Variants in POLDIP3 observed in about 807,000 individuals in gnomAD.
POLDIP3 encodes DNA polymerase delta interacting protein 3.
In POLDIP3, 14 loss-of-function variants were observed where a neutral mutation model predicts 45.1. That is an observed-to-expected ratio of 0.31 (90% CI 0.20 to 0.49). The LOEUF (loss-of-function observed/expected upper bound fraction) is 0.49. Ranked by LOEUF, POLDIP3 falls within the 20% of genes least tolerant of loss-of-function variation. The pLI, the probability that POLDIP3 is intolerant of heterozygous loss-of-function variation, is 0.99. For missense variants in POLDIP3, 511 were observed against 538.8 expected (o/e 0.95, Z 0.51); for synonymous variants, 223 against 205.2 (o/e 1.09, Z -0.74).
intron 3 of POLDIP3, among the ~76,000 whole-genome samples, chr22:42,600,612 C>T (rs946549872): frequency 2.7e-5 from 4 of 147,272 alleles, no homozygotes; most frequent in East Asian, 2.0e-4. Context: ...AGTGACAGAG[C>T]GAGACTCGGT....
chr22:42,610,059 A>G (rs1225011390), intron 1 of POLDIP3, among the ~76,000 whole-genome samples: 2 of 152,146 alleles, frequency 1.3e-5, no homozygotes, highest in African/African-American at 4.8e-5. Flanking sequence ...CTGTAGTCCC[A>G]GCTACTCAGG....
In POLDIP3 at chr22:42,599,691, G is replaced by C. The variant is rs777042806; in HGVS notation, c.633+7C>G. ...CACGCAGTGTAAGAAAACATGAAATGCCATACCATGTGGTGGAGAAAGCCG... is the reference window on the plus strand; with the variant it reads ...CACGCAGTGTAAGAAAACATGAAATCCCATACCATGTGGTGGAGAAAGCCG... On this transcript the variant is annotated splice_region_variant and intron_variant, in intron 4 of 8. Coordinates refer to ENST00000252115, the MANE Select transcript of POLDIP3 (RefSeq NM_032311.5). The C allele has an allele frequency of 8.8e-6, 14 of 1,583,022 alleles. No homozygotes were observed. Among genetic ancestry groups the C allele is most frequent in the Non-Finnish European group, 1.1e-5 (13 of 1,152,174 alleles).
At chr22:42,607,546 G>T (rs1926819204) in intron 1 of POLDIP3, among the ~76,000 whole-genome samples, 1 of 152,192 alleles carries the variant, frequency 6.6e-6, no homozygotes, top group African/African-American at 2.4e-5. Context: ...TGGGAAGTGA[G>T]GAGCGTCTCT....
At chr22:42,602,117 G>A (rs1926428597) in intron 2 of POLDIP3, 61 bp from the exon 3 acceptor site, 5 of 1,610,648 alleles carry the variant, frequency 3.1e-6, no homozygotes, top group East Asian at 2.2e-5. Context: ...TCTAGAAGAA[G>A]GGGGTTACTG....
At chr22:42,599,393 C>G (rs750378377) in intron 4 of POLDIP3, among the ~76,000 whole-genome samples, 2 of 152,246 alleles carry the variant, frequency 1.3e-5, no homozygotes, top group African/African-American at 2.4e-5. Flanking sequence ...CACCTGAGGT[C>G]AGGAGTTTGA....
chr22:42,612,316 T>C (rs1330240010), intron 1 of POLDIP3, among the ~76,000 whole-genome samples: 1 of 152,148 alleles, frequency 6.6e-6, no homozygotes, highest in African/African-American at 2.4e-5. Context: ...ATTACTCAGG[T>C]TTTATACATA....
chr22:42,591,345 G>A (rs1452338210), intron 7 of POLDIP3, among the ~76,000 whole-genome samples: 5 of 152,066 alleles, frequency 3.3e-5, no homozygotes, highest in Admixed American at 3.3e-4. Flanking sequence ...TTTAGCCAAG[G>A]CTCCAGGTCT....
chr22:42,588,774 ATG>A (rs1379543508), intron 7 of POLDIP3, among the ~76,000 whole-genome samples: 1 of 151,998 alleles, frequency 6.6e-6, no homozygotes, highest in Non-Finnish European at 1.5e-5. Context: ...GATTACAGGC[ATG>A]TACCACCACA....
intron 1 of POLDIP3, among the ~76,000 whole-genome samples, chr22:42,612,447 G>T (rs1300865681): frequency 6.6e-6 from 1 of 152,200 alleles, no homozygotes; most frequent in South Asian, 2.1e-4. Flanking sequence ...TATGCTCCAG[G>T]GGCGTTGTGT....
At chr22:42,599,550 G>C in intron 4 of POLDIP3, 148 bp downstream of exon 4, 1 of 664,442 alleles carries the variant, frequency 1.5e-6, no homozygotes, top group South Asian at 1.7e-5. Context: ...GTTGCAGTGA[G>C]CCAAGATTGC....
chr22:42,614,025 C>T (rs1927296396), intron 1 of POLDIP3, among the ~76,000 whole-genome samples: 12 of 152,134 alleles, frequency 7.9e-5, no homozygotes, highest in Admixed American at 7.9e-4. Flanking sequence ...CCAGCTCAAG[C>T]ACTTTCTTCT....
Position 42,596,269 on chromosome 22 carries a change from A to G in POLDIP3, c.730T>C (p.Ser244Pro). 6.2e-7 allele frequency: 1 copy of G among 1,614,168 alleles called. No individual in the cohort carries two copies. The change falls in exon 5 of 9, where the codon TCT becomes CCT. Residue 244 changes from serine (S) to proline (P), a missense_variant. Ser to Pro is a moderately conservative substitution (Grantham distance 74). Transcript: ENST00000252115. The part of the protein sequence containing the change: ...DAYTAPALPS[S>P]IRTKALTNMS... ...TTGGTCAAGGCTTTTGTTCGAATAG[A>G]GGAAGGGAGAGCAGGAGCTGTGTAT...
At position 42,584,673 on chromosome 22, in the gene POLDIP3, G is replaced by A. The variant is rs1483681569; in HGVS notation, c.*1118C>T. 2.6e-5 allele frequency: 9 copies of A among 350,918 alleles called. 1 individual carries two copies. Among genetic ancestry groups the A allele is most frequent in the East Asian group, 1.6e-4 (2 of 12,588 alleles). The allele number at this position is 350,918 out of a possible 1,614,324, so 21.7% of individuals were successfully genotyped here. ...CCTATGCTGGGGAAACACCTTGCCT[G>A]GTAGAGCTGCCCTGCTCCCTTGACT... On this transcript the variant is annotated 3_prime_UTR_variant, in exon 9 of 9. Transcript: ENST00000252115.
intron 7 of POLDIP3, among the ~76,000 whole-genome samples, chr22:42,590,828 T>C (rs571378000): frequency 6.6e-6 from 1 of 152,344 alleles, no homozygotes; most frequent in African/African-American, 2.4e-5. Flanking sequence ...CCTAGCACTT[T>C]TGAGAGGCCG....
chr22:42,594,726 C>G (rs1358035499), intron 6 of POLDIP3, among the ~76,000 whole-genome samples: 2 of 152,184 alleles, frequency 1.3e-5, no homozygotes, highest in Non-Finnish European at 2.9e-5. Flanking sequence ...GCATCCAGAA[C>G]CCCGCTCACA....
chr22:42,611,140 G>C (rs539378522), intron 1 of POLDIP3, among the ~76,000 whole-genome samples: 1 of 152,286 alleles, frequency 6.6e-6, no homozygotes, highest in East Asian at 1.9e-4. Context: ...TGGAGGCCTA[G>C]GTAATAATAA....
chr22:42,603,000 C>A lies in POLDIP3; in HGVS notation c.220G>T (p.Ala74Ser). The change falls in exon 2 of 9, where the codon GCC becomes TCC. Residue 74 changes from alanine to serine, a missense_variant. Ala to Ser is a moderately conservative substitution (Grantham distance 99). Around this residue, in one of 4 missense-constraint regions of POLDIP3, gnomAD observed 378 missense variants for 352.3 expected, o/e 1.07. Coordinates refer to ENST00000252115, the MANE Select transcript of POLDIP3 (RefSeq NM_032311.5). ...DARLKLGVKD[A>S]REKLLQKDAR... ...TCTTTCTGCAAAAGCTTCTCCCGGG[C>A]ATCCTTGACTCCCAGTTTGAGCCGG... 1 of 1,614,154 alleles carries A rather than the reference C, an allele frequency of 6.2e-7. No individual in the cohort carries two copies. The highest frequency in any genetic ancestry group is 8.5e-7 in the Non-Finnish European group (1 of 1,180,026).
chr22:42,589,855 A>C (rs78042497), intron 7 of POLDIP3, among the ~76,000 whole-genome samples: 2 of 150,986 alleles, frequency 1.3e-5, no homozygotes, highest in African/African-American at 2.4e-5. Flanking sequence ...AAAAAAAAAA[A>C]CAGAACCTCA....
At chr22:42,590,578 T>C (rs912846939) in intron 7 of POLDIP3, among the ~76,000 whole-genome samples, 1 of 152,228 alleles carries the variant, frequency 6.6e-6, no homozygotes, top group Non-Finnish European at 1.5e-5. Flanking sequence ...TATAATGTTA[T>C]GGGCCCACTG....
Sources: gnomAD v4.1 joint callset for allele counts (sites outside exome capture counted in the v4.1 genomes callset) on GRCh38, gnomAD v4.1.1 for gene constraint, gnomAD v4.1.1 regional missense constraint, MANE v1.5 for transcripts, NCBI Gene and HGNC (gene_info 2026-07-23, HGNC 2026-07-21) for gene names.